AURKC: variants seen among roughly 807,000 people sequenced by gnomAD.
AURKC encodes the protein ARK-3.
AURKC carries 15 observed loss-of-function variants against 29.2 expected under a neutral mutation model. The observed-to-expected ratio is 0.51, with a 90% confidence interval of 0.34 to 0.79. The LOEUF is 0.79. Ranked by LOEUF, AURKC falls within the 30% of genes least tolerant of loss-of-function variation. The pLI is 0.01. For synonymous variants in AURKC, 150 were observed against 149.9 expected, an observed-to-expected ratio of 1.00 and a Z score of -0.01; for missense variants, 332 against 383.2, an observed-to-expected ratio of 0.87 and a Z score of 1.12.
At chr19:57,231,343 C>T in intron 1 of AURKC, 37 bp downstream of exon 1, 1 of 1,550,166 alleles carries the variant, frequency 6.5e-7, no homozygotes, top group Non-Finnish European at 8.7e-7. Flanking sequence ...GCAGGGAAGG[C>T]TGGGGACTGG....
intron 2 of AURKC, 98 bp downstream of exon 2, chr19:57,231,885 G>A (rs1266391714): frequency 1.2e-6 from 2 of 1,608,782 alleles, no homozygotes; most frequent in East Asian, 4.5e-5. Flanking sequence ...CTGGGAACGA[G>A]AACTACTGAT....
Position 57,233,479 on chromosome 19 carries a change from A to G in AURKC, c.455A>G (p.Asp152Gly). The G allele has an allele frequency of 1.2e-6, 2 of 1,614,226 alleles. No homozygotes were observed. Among genetic ancestry groups the G allele is most frequent in the Middle Eastern group, 1.6e-4 (1 of 6,062 alleles). ...RTATIIEELA[D>G]ALTYCHDKKV... ...CCACAGATAATAGAGGAGTTGGCAG[A>G]TGCCCTGACCTACTGCCATGACAAG... The change falls in exon 5 of 7, where the codon GAT becomes GGT. Residue 152 changes from aspartate to glycine, a missense_variant. Coordinates refer to ENST00000302804, the MANE Select transcript of AURKC (RefSeq NM_001015878.2).
chr19:57,231,366 G>A (rs1193263870), intron 1 of AURKC, 60 bp downstream of exon 1: 1 of 1,536,472 alleles, frequency 6.5e-7, no homozygotes, highest in Non-Finnish European at 8.8e-7. Context: ...CAGGGGTCGG[G>A]TGCACAGAAG....
intron 2 of AURKC, 56 bp from the exon 3 acceptor site, chr19:57,231,977 T>C (rs2087496874): frequency 1.9e-6 from 3 of 1,611,450 alleles, no homozygotes; most frequent in Non-Finnish European, 2.5e-6. Flanking sequence ...ATCCCTGACT[T>C]TCCCTCCGCC....
chr19:57,234,091 C>G (rs1172526659), intron 5 of AURKC, among the ~76,000 whole-genome samples: 4 of 109,826 alleles, frequency 3.6e-5, no homozygotes, highest in African/African-American at 1.5e-4. Context: ...GAGTTTTGCT[C>G]TTGTTGCCCA....
rs764851783 is a variant in AURKC, at chr19:57,232,519, C to T, written c.297-23C>T. 3.1e-6 allele frequency: 5 copies of T among 1,614,158 alleles called. No individual in the cohort carries two copies. Among genetic ancestry groups the T allele is most frequent in the Non-Finnish European group, 3.4e-6 (4 of 1,180,038 alleles). On this transcript the variant is annotated intron_variant, in intron 3 of 6. Coordinates refer to ENST00000302804, the MANE Select transcript of AURKC (RefSeq NM_001015878.2). The surrounding 1 kb of genome is among the most constrained non-coding windows in gnomAD (Gnocchi z 4.5). ...TGATAGGCCTCAGGGAGAAATCTGA[C>T]TCTTCCAACATTAATCCTTCAGACA...
In AURKC at chr19:57,231,260, C is replaced by G. The variant is rs73633650; in HGVS notation, c.12C>G (p.Pro4=). 649 of 1,552,262 alleles carry G rather than the reference C, an allele frequency of 4.2e-4. 3 individuals carry two copies. In the African/African-American group the frequency reaches 7.3e-3, roughly 18 times the overall value. Residue 4 remains proline (P), a synonymous_variant, in exon 1 of 7, where the codon CCC becomes CCG. Transcript: ENST00000302804. MSS[P]RAVVQLGKAQ... ...CACCTCTTCTCCCCATGAGCTCCCC[C>G]AGAGCTGTGGTGCAGCTGGGCAAAG...
chr19:57,232,738 C>T lies in AURKC; in HGVS notation c.435+58C>T. On this transcript the variant is annotated intron_variant, in intron 4 of 6. Transcript: ENST00000302804. The surrounding 1 kb of genome is among the most constrained non-coding windows in gnomAD (Gnocchi z 4.5). Reference sequence around the variant, plus strand: ...TGAGTTTACTGTGGGCTGGTGGGAGCTCTGTTTGTGGCTGTCAGGAGGGTC... The same window carrying T: ...TGAGTTTACTGTGGGCTGGTGGGAGTTCTGTTTGTGGCTGTCAGGAGGGTC... 1 of 1,610,016 alleles carries T rather than the reference C, an allele frequency of 6.2e-7. No individual in the cohort carries two copies. Among genetic ancestry groups the T allele is most frequent in the Non-Finnish European group, 8.5e-7 (1 of 1,178,946 alleles).
intron 2 of AURKC, 102 bp from the exon 3 acceptor site, chr19:57,231,931 G>A: frequency 1.9e-6 from 3 of 1,603,562 alleles, no homozygotes. Flanking sequence ...AAGCGGCAGA[G>A]GAAGGATACA....
intron 5 of AURKC, among the ~76,000 whole-genome samples, chr19:57,234,206 G>T (rs528172449): frequency 1.2e-4 from 18 of 151,646 alleles, no homozygotes; most frequent in Admixed American, 3.3e-4. Context: ...TACAGGCATG[G>T]GCCATCACAC....
chr19:57,231,723 T>C lies in AURKC; in HGVS notation c.59-19T>C, dbSNP rs2087492856. Reference sequence around the variant, plus strand: ...CCTCCCCTCTCCCTTCCTATCTCCCTCCTCCTCCTCTCTTTCAGTGGCTAC... The same window carrying C: ...CCTCCCCTCTCCCTTCCTATCTCCCCCCTCCTCCTCTCTTTCAGTGGCTAC... On this transcript the variant is annotated intron_variant, in intron 1 of 6. Transcript: ENST00000302804. 6.3e-7 allele frequency: 1 copy of C among 1,583,536 alleles called. No individual in the cohort carries two copies. The highest frequency in any genetic ancestry group is 1.7e-5 in the Admixed American group (1 of 58,518).
rs148264225 is a variant in AURKC, at chr19:57,235,235, T to C, written c.760-12T>C. The C allele has an allele frequency of 5.0e-4, 810 of 1,614,200 alleles. 1 individual carries two copies. In the African/African-American group the frequency reaches 9.7e-3, roughly 19 times the overall value. On this transcript the variant is annotated splice_polypyrimidine_tract_variant and intron_variant, in intron 6 of 6. Transcript: ENST00000302804. The stretch of plus-strand genomic sequence containing the variant: ...AACCAGACTTCTCTTTCTTCTTTCC[T>C]GGCCTCATCAGGTAGATGTGAGGTT...
intron 5 of AURKC, among the ~76,000 whole-genome samples, 173 bp from the exon 6 acceptor site, chr19:57,234,711 A>G (rs965913545): frequency 3.3e-5 from 5 of 152,206 alleles, no homozygotes; most frequent in African/African-American, 9.7e-5. Context: ...AGGCCCCAGT[A>G]CTTTTCTGAA....
intron 5 of AURKC, among the ~76,000 whole-genome samples, chr19:57,234,646 G>C (rs963064046): frequency 6.6e-6 from 1 of 152,086 alleles, no homozygotes; most frequent in South Asian, 2.1e-4. Context: ...AAACATTCTG[G>C]AGCATGAGCT....
rs1373163298 is a variant in AURKC, at chr19:57,232,595, A to G, written c.350A>G (p.Tyr117Cys). 3 of 1,614,118 alleles carry G rather than the reference A, an allele frequency of 1.9e-6. No homozygotes were observed. In the South Asian group the frequency reaches 3.3e-5, roughly 18 times the overall value. ...TATTTCCATGATGCACGCCGGGTGTACCTGATTCTGGAATATGCTCCAAGG... is the reference window on the plus strand; with the variant it reads ...TATTTCCATGATGCACGCCGGGTGTGCCTGATTCTGGAATATGCTCCAAGG... ...YNYFHDARRV[Y>C]LILEYAPRGE... is the part of the protein sequence containing the mutation. The change falls in exon 4 of 7, where the codon TAC (tyrosine) becomes TGC (cysteine). Residue 117 changes from tyrosine to cysteine, a missense_variant. Tyr to Cys is a radical substitution (Grantham distance 194). Transcript: ENST00000302804. This position sits in a 1 kb window ranked among gnomAD's most constrained non-coding sequence, Gnocchi z 4.5.
chr19:57,233,479 A>T lies in AURKC; in HGVS notation c.455A>T (p.Asp152Val), dbSNP rs1262554782. The T allele has an allele frequency of 1.2e-6, 2 of 1,614,108 alleles. No homozygotes were observed. The highest frequency in any genetic ancestry group is 2.7e-5 in the African/African-American group (2 of 74,938). The change falls in exon 5 of 7, where the codon GAT becomes GTT. Residue 152 changes from aspartate to valine, a missense_variant. By Grantham distance (152) the Asp-to-Val change is radical. Transcript: ENST00000302804. ...CCACAGATAATAGAGGAGTTGGCAG[A>T]TGCCCTGACCTACTGCCATGACAAG... is the stretch of plus-strand genomic sequence containing the variant. ...RTATIIEELA[D>V]ALTYCHDKKV...
chr19:57,232,398 C>A lies in AURKC; in HGVS notation c.297-144C>A. The A allele has an allele frequency of 6.9e-7, 1 of 1,446,718 alleles. No individual in the cohort carries two copies. The highest frequency in any genetic ancestry group is 9.6e-7 in the Non-Finnish European group (1 of 1,041,578). 89.6% of individuals were successfully genotyped at this position (1,446,718 alleles called of 1,614,324 possible). A position where few individuals can be genotyped will look rare whatever the true frequency, so the allele number is the denominator to read the frequency against. ...CACTCGAATCCTGGTTCCTGTTCTC[C>A]GTTCTCCCCTCACTTGCTCCCAGAT... On this transcript the variant is annotated intron_variant, in intron 3 of 6. Coordinates refer to ENST00000302804, the MANE Select transcript of AURKC (RefSeq NM_001015878.2). The surrounding 1 kb of genome is among the most constrained non-coding windows in gnomAD (Gnocchi z 4.5).
chr19:57,233,042 G>A (rs1264778445), intron 4 of AURKC, among the ~76,000 whole-genome samples: 3 of 152,124 alleles, frequency 2.0e-5, no homozygotes, highest in Non-Finnish European at 4.4e-5. Context: ...ATTTCTAGAG[G>A]GTTCCGGAAA....
In AURKC at chr19:57,231,128, ACGAGCAGGATTGG is replaced by A. The variant is rs776693545; in HGVS notation, c.-120_-108del. ...AGTGAGACATCAGTGAGGCTGCAGG[ACGAGCAGGATTGG>A]AAGCGCCCCGGCCAGAAAGTGACCC... is the stretch of plus-strand genomic sequence containing the variant. On this transcript the variant is annotated 5_prime_UTR_variant, in exon 1 of 7. Coordinates refer to ENST00000302804, the MANE Select transcript of AURKC (RefSeq NM_001015878.2). The A allele has an allele frequency of 3.6e-4, 24 of 66,040 alleles. No individual in the cohort carries two copies. The highest frequency in any genetic ancestry group is 5.2e-4 in the Non-Finnish European group (23 of 44,414). 4.1% of individuals were successfully genotyped at this position (66,040 alleles called of 1,614,324 possible). A position where few individuals can be genotyped will look rare whatever the true frequency, so the allele number is the denominator to read the frequency against.
Sources: allele counts gnomAD v4.1 joint callset (sites outside exome capture counted in the v4.1 genomes callset), GRCh38; gene constraint gnomAD v4.1.1; non-coding constraint Gnocchi (gnomAD v3.1); transcripts MANE v1.5; gene names NCBI Gene and HGNC (gene_info 2026-07-23, HGNC 2026-07-21).